Variants in KIF1B observed in about 807,000 individuals in gnomAD.
KIF1B encodes kinesin family member 1B.
Under a neutral mutation model 241.9 loss-of-function variants are expected in KIF1B, and 76 were observed. The ratio of observed to expected loss-of-function variants is 0.31; its 90% CI spans 0.26 to 0.38. The LOEUF is 0.38. Among genes scored for constraint, KIF1B ranks in the 10% least tolerant of loss-of-function variants. KIF1B has a pLI of 1.00. For synonymous variants in KIF1B, 750 were observed against 796.7 expected (o/e 0.94, Z 0.99); for missense variants, 1,622 against 2,271.4 (o/e 0.71, Z 5.81).
At chr1:10,332,145 ACCTT>A (rs1651966821) in intron 27 of KIF1B, among the ~76,000 whole-genome samples, 1 of 151,840 alleles carries the variant, frequency 6.6e-6, no homozygotes, top group Non-Finnish European at 1.5e-5. Context: ...GCTCACTGCA[ACCTT>A]CACCTCCTGG....
At chr1:10,289,019 T>G (rs184164238) in intron 15 of KIF1B, among the ~76,000 whole-genome samples, 7 of 152,362 alleles carry the variant, frequency 4.6e-5, no homozygotes, top group South Asian at 2.1e-4. Context: ...GAATCATACA[T>G]TGAAGTGTTT....
rs1569940076 is a variant in KIF1B, at chr1:10,378,724, GC to G, written c.*2138del. The G allele has an allele frequency of 7.8e-6, 3 of 386,166 alleles. No individual in the cohort carries two copies. The East Asian group carries it at 1.3e-4, about 17-fold the overall frequency. The allele number at this position is 386,166 out of a possible 1,614,324, so 23.9% of individuals were successfully genotyped here. A position where few individuals can be genotyped will look rare whatever the true frequency, so the allele number is the denominator to read the frequency against. ...ACCTTGTTTCTCACTTCCTGGTTGGGCTCATCTCTGAAGAACAGGTCTCCCA... is the reference window on the plus strand; with the variant it reads ...ACCTTGTTTCTCACTTCCTGGTTGGGTCATCTCTGAAGAACAGGTCTCCCA... On this transcript the variant is annotated 3_prime_UTR_variant, in exon 49 of 49. Transcript: ENST00000676179.
At chr1:10,288,350 G>A (rs1451330674) in intron 15 of KIF1B, among the ~76,000 whole-genome samples, 3 of 152,132 alleles carry the variant, frequency 2.0e-5, no homozygotes, top group African/African-American at 7.2e-5. Context: ...GGAATTGTGT[G>A]GATTTGTCTT....
At chr1:10,220,036 C>G (rs776959757) in intron 1 of KIF1B, among the ~76,000 whole-genome samples, 2 of 151,744 alleles carry the variant, frequency 1.3e-5, no homozygotes, top group African/African-American at 2.4e-5. Flanking sequence ...AACTCCGTCT[C>G]TACTAAAAAT....
At chr1:10,302,608 G>A (rs533307846) in intron 22 of KIF1B, among the ~76,000 whole-genome samples, 2 of 152,214 alleles carry the variant, frequency 1.3e-5, no homozygotes, top group South Asian at 2.1e-4. Flanking sequence ...GCGTCCTACA[G>A]CCTTACTAAC....
chr1:10,337,053 C>T lies in KIF1B; in HGVS notation c.3130-21C>T, dbSNP rs777537121. On this transcript the variant is annotated intron_variant, in intron 29 of 48. Coordinates refer to ENST00000676179, the MANE Select transcript of KIF1B (RefSeq NM_001365951.3). This position sits in a 1 kb window ranked among gnomAD's most constrained non-coding sequence, Gnocchi z 4.0. ...GTTTTTATACTACTTTACCATGTAT[C>T]TGCCCCTGCCTTTTTTTCAGAGTGA... 6.2e-7 allele frequency: 1 copy of T among 1,614,104 alleles called. No homozygotes were observed. Among genetic ancestry groups the T allele is most frequent in the Admixed American group, 1.7e-5 (1 of 60,028 alleles).
rs1176951809 is a variant in KIF1B at position 10,381,126 on chromosome 1, AT to A, written c.*4547del. 17 of 220,702 alleles carry A rather than the reference AT, an allele frequency of 7.7e-5. No homozygotes were observed. The highest frequency in any genetic ancestry group is 3.3e-4 in the East Asian group (5 of 15,080). The allele number at this position is 220,702 out of a possible 1,614,324, so 13.7% of individuals were successfully genotyped here. ...TGTTGTTCTTCATGTCTTCGAGTTC[AT>A]TTTTTTTCATTCTGCCTATTCTGGC... is the stretch of plus-strand genomic sequence containing the variant. On this transcript the variant is annotated 3_prime_UTR_variant, in exon 49 of 49. Coordinates refer to ENST00000676179, the MANE Select transcript of KIF1B (RefSeq NM_001365951.3).
chr1:10,241,834 G>A (rs1647140783), intron 2 of KIF1B, among the ~76,000 whole-genome samples: 1 of 152,100 alleles, frequency 6.6e-6, no homozygotes, highest in Non-Finnish European at 1.5e-5. Context: ...ATATCGTGGT[G>A]GTGATTGCTT....
At chr1:10,311,711 A>G (rs1651073130) in intron 22 of KIF1B, among the ~76,000 whole-genome samples, 1 of 151,074 alleles carries the variant, frequency 6.6e-6, no homozygotes, top group Admixed American at 6.6e-5. Flanking sequence ...TCTTCATGGG[A>G]CACTTTCTTC....
chr1:10,379,836 C>G lies in KIF1B; in HGVS notation c.*3249C>G, dbSNP rs1292475742. 1 of 230,208 alleles carries G rather than the reference C, an allele frequency of 4.3e-6. No homozygotes were observed. Among genetic ancestry groups the G allele is most frequent in the Non-Finnish European group, 8.6e-6 (1 of 116,284 alleles). 14.3% of individuals were successfully genotyped at this position (230,208 alleles called of 1,614,324 possible). ...TCCTGGGAGTCAGTCAGCGCTCAGGCCAGGACTGTGCAGGGCCAGCCAGCC... is the reference window on the plus strand; with the variant it reads ...TCCTGGGAGTCAGTCAGCGCTCAGGGCAGGACTGTGCAGGGCCAGCCAGCC... On this transcript the variant is annotated 3_prime_UTR_variant, in exon 49 of 49. Coordinates refer to ENST00000676179, the MANE Select transcript of KIF1B (RefSeq NM_001365951.3).
intron 7 of KIF1B, among the ~76,000 whole-genome samples, chr1:10,270,695 C>CGGGT (rs1336275685): frequency 1.3e-5 from 2 of 151,808 alleles, no homozygotes; most frequent in East Asian, 3.9e-4. Flanking sequence ...GAGGCTGAGG[C>CGGGT]GGGTGGATCA....
At chr1:10,339,900 G>T in intron 32 of KIF1B, 41 bp downstream of exon 32, 1 of 1,538,622 alleles carries the variant, frequency 6.5e-7, no homozygotes, top group Non-Finnish European at 9.0e-7. Context: ...ATGTTTTTCT[G>T]GTACCTTGGC....
At chr1:10,283,532 A>T (rs768547749) in intron 15 of KIF1B, among the ~76,000 whole-genome samples, 1 of 152,252 alleles carries the variant, frequency 6.6e-6, no homozygotes, top group Admixed American at 6.5e-5. Flanking sequence ...CTTCTGACTC[A>T]TAGCTGCTTC....
Position 10,337,231 on chromosome 1 carries a change from GGGACATTTTC to G in KIF1B, c.3259+30_3259+39del. On this transcript the variant is annotated intron_variant, in intron 30 of 48. Coordinates refer to ENST00000676179, the MANE Select transcript of KIF1B (RefSeq NM_001365951.3). This position sits in a 1 kb window ranked among gnomAD's most constrained non-coding sequence, Gnocchi z 4.0. Reference sequence around the variant, plus strand: ...ATGTAGACATAGTTTACTGTGCTTGGGGACATTTTCGACAAAGGGAAAATATTGACCATTA... The same window carrying G: ...ATGTAGACATAGTTTACTGTGCTTGGGACAAAGGGAAAATATTGACCATTA... The G allele has an allele frequency of 1.2e-6, 2 of 1,614,036 alleles. No homozygotes were observed. The highest frequency in any genetic ancestry group is 2.2e-5 in the South Asian group (2 of 91,036).
intron 2 of KIF1B, among the ~76,000 whole-genome samples, chr1:10,251,331 C>CTT (rs35158325): frequency 2.1e-5 from 3 of 144,278 alleles, no homozygotes; most frequent in African/African-American, 5.1e-5. Context: ...TTTTTCCTTT[C>CTT]TTTTTTTTTT....
intron 22 of KIF1B, among the ~76,000 whole-genome samples, chr1:10,312,238 T>G (rs1651100322): frequency 6.6e-6 from 1 of 151,522 alleles, no homozygotes; most frequent in Non-Finnish European, 1.5e-5. Context: ...TTAGTTTCTC[T>G]TTTTCTTCAC....
chr1:10,308,889 TTTGAG>T (rs1650951002), intron 22 of KIF1B, among the ~76,000 whole-genome samples: 1 of 152,242 alleles, frequency 6.6e-6, no homozygotes. Context: ...TACTTTCTGA[TTTGAG>T]TTTAGTTTAA....
At chr1:10,214,732 A>G (rs1219885638) in intron 1 of KIF1B, among the ~76,000 whole-genome samples, 2 of 145,020 alleles carry the variant, frequency 1.4e-5, no homozygotes, top group Non-Finnish European at 3.0e-5. Flanking sequence ...ACAGGTGCAC[A>G]CCACCATGCC....
intron 43 of KIF1B, among the ~76,000 whole-genome samples, chr1:10,367,712 G>A (rs891805545): frequency 6.7e-6 from 1 of 149,564 alleles, no homozygotes; most frequent in African/African-American, 2.5e-5. Flanking sequence ...TTTTTTGTAG[G>A]TGTTTTTTTT....
Sources: allele counts gnomAD v4.1 joint callset (sites outside exome capture counted in the v4.1 genomes callset), GRCh38; gene constraint gnomAD v4.1.1; non-coding constraint Gnocchi (gnomAD v3.1); transcripts MANE v1.5; gene names NCBI Gene and HGNC (gene_info 2026-07-23, HGNC 2026-07-21).